Variants in TET3 observed in about 807,000 individuals in gnomAD.
The protein encoded by TET3 is tet methylcytosine dioxygenase 3, also known as methylcytosine dioxygenase TET3.
Under a neutral mutation model 141.4 loss-of-function variants are expected in TET3, and 19 were observed. The ratio of observed to expected loss-of-function variants is 0.13; its 90% confidence interval spans 0.09 to 0.20. The LOEUF is 0.20. Among genes scored for constraint, TET3 ranks in the 10% least tolerant of loss-of-function variants. TET3 has a pLI of 1.00. For missense variants in TET3, 1,874 were observed against 2,356.9 expected (o/e 0.80, Z 4.24); for synonymous variants, 1,043 against 980.9 (o/e 1.06, Z -1.18).
intron 4 of TET3, among the ~76,000 whole-genome samples, chr2:74,054,111 G>T (rs967846758): frequency 8.5e-5 from 13 of 152,174 alleles, no homozygotes; most frequent in Non-Finnish European, 1.9e-4. Flanking sequence ...AGAACATGGG[G>T]AAATACAGGT....
At chr2:74,068,340 C>T (rs945221840) in intron 4 of TET3, among the ~76,000 whole-genome samples, 1 of 134,390 alleles carries the variant, frequency 7.4e-6, no homozygotes, top group African/African-American at 3.0e-5. Context: ...TGTGTGTACA[C>T]GAACTAGCAT....
At chr2:74,042,490 G>A (rs1558738716) in intron 3 of TET3, among the ~76,000 whole-genome samples, 1 of 152,148 alleles carries the variant, frequency 6.6e-6, no homozygotes. Context: ...TTTGATTTTT[G>A]AATGTTGGCA....
Position 74,089,080 on chromosome 2 carries a change from CAAAAAAA to C in TET3, c.2889-799_2889-793del, listed in dbSNP as rs34315040. Among the ~76,000 whole-genome samples, 14 of 60,570 alleles carry C rather than the reference CAAAAAAA, an allele frequency of 2.3e-4. 1 individual carries two copies. Among genetic ancestry groups the C allele is most frequent in the Middle Eastern group, 7.7e-3 (1 of 130 alleles). The allele number at this position is 60,570 out of a possible 152,430, so 39.7% of individuals were successfully genotyped here. On this transcript the variant is annotated intron_variant, in intron 7 of 11. Transcript: ENST00000409262. ...TGAGCAACAGAACAGGATTCCGTCT[CAAAAAAA>C]AAAAAAAAAAAAAAAAAGACATAGA...
upstream of TET3, among the ~76,000 whole-genome samples, chr2:73,984,844 A>G (rs1177313191): frequency 1.4e-5 from 2 of 144,628 alleles, no homozygotes; most frequent in Non-Finnish European, 3.1e-5. This position sits in a 1 kb window ranked among gnomAD's most constrained non-coding sequence, Gnocchi z 5.6. Context: ...GCGGGGCCGC[A>G]CGTGTGCGCC....
chr2:74,022,831 C>T lies in TET3; in HGVS notation c.360+19665C>T, dbSNP rs1015800772. Among the ~76,000 whole-genome samples, 9 of 152,092 alleles carry T rather than the reference C, an allele frequency of 5.9e-5. No homozygotes were observed. The South Asian group carries it at 1.9e-3, about 31-fold the overall frequency. ...TTGCTCTGTCGCCTAGGCTGGAGTG[C>T]AGTGGCATGATCTTGGCTCACCGCA... On this transcript the variant is annotated intron_variant, in intron 3 of 11. Transcript: ENST00000409262.
chr2:74,117,564 T>C, the TET3 span, among the ~76,000 whole-genome samples: 3 of 152,020 alleles, frequency 2.0e-5, no homozygotes, highest in Non-Finnish European at 4.4e-5. Flanking sequence ...AAATGTCAAA[T>C]TTATAGAAAA....
At chr2:74,082,545 TGAAGA>T (rs908196765) in intron 6 of TET3, among the ~76,000 whole-genome samples, 11 of 151,076 alleles carry the variant, frequency 7.3e-5, no homozygotes, top group African/African-American at 2.7e-4. Flanking sequence ...GTCTTATGAG[TGAAGA>T]GAAAAGGAGA....
At chr2:74,133,526 C>T in the TET3 span, among the ~76,000 whole-genome samples, 12 of 152,322 alleles carry the variant, frequency 7.9e-5, no homozygotes, top group African/African-American at 2.9e-4. Flanking sequence ...GGCAGAAGGC[C>T]TCATTCTGTG....
intron 4 of TET3, among the ~76,000 whole-genome samples, chr2:74,051,702 C>T (rs1687952056): frequency 6.6e-6 from 1 of 152,190 alleles, no homozygotes; most frequent in South Asian, 2.1e-4. Flanking sequence ...ACTTAATCCT[C>T]ATAGCAGCTC....
At chr2:74,064,223 C>G (rs1259468544) in intron 4 of TET3, among the ~76,000 whole-genome samples, 1 of 151,408 alleles carries the variant, frequency 6.6e-6, no homozygotes, top group Non-Finnish European at 1.5e-5. Flanking sequence ...CCCGTATACA[C>G]GCATGAATTT....
intron 5 of TET3, among the ~76,000 whole-genome samples, chr2:74,075,876 T>TGCCTGCATGTGCTC (rs1313126314): frequency 6.6e-6 from 1 of 152,152 alleles, no homozygotes; most frequent in African/African-American, 2.4e-5. Flanking sequence ...TTGTCGTGCT[T>TGCCTGCATGTGCTC]GCCTGCATGT....
intron 3 of TET3, among the ~76,000 whole-genome samples, chr2:74,029,674 C>T (rs1347386610): frequency 6.6e-6 from 1 of 152,158 alleles, no homozygotes; most frequent in Non-Finnish European, 1.5e-5. Context: ...TTTTTATTCT[C>T]CACAGTGAAA....
At chr2:74,061,714 G>C (rs1251441160) in intron 4 of TET3, among the ~76,000 whole-genome samples, 41 of 139,478 alleles carry the variant, frequency 2.9e-4, no homozygotes, top group African/African-American at 1.2e-3. Flanking sequence ...GGCAGCTGCC[G>C]GGCGGAGGGG....
At chr2:74,133,755 GT>G in the TET3 span, among the ~76,000 whole-genome samples, 3 of 152,028 alleles carry the variant, frequency 2.0e-5, no homozygotes, top group African/African-American at 7.3e-5. Context: ...TTTTTTGTTT[GT>G]TTTTTTGAGA....
intron 3 of TET3, among the ~76,000 whole-genome samples, chr2:74,019,669 T>C (rs1685926500): frequency 6.6e-6 from 1 of 152,176 alleles, no homozygotes; most frequent in Non-Finnish European, 1.5e-5. Context: ...CTCTTCAAAG[T>C]GTGACAGCCT....
rs996026074 is a variant in TET3, at chr2:74,093,724, C to T, written c.3267+58C>T. The T allele has an allele frequency of 2.3e-5, 34 of 1,474,740 alleles. 1 individual carries two copies. Among genetic ancestry groups the T allele is most frequent in the Middle Eastern group, 3.6e-4 (2 of 5,526 alleles). The allele number at this position is 1,474,740 out of a possible 1,614,324, so 91.4% of individuals were successfully genotyped here. Reference sequence around the variant, plus strand: ...GGGGCAACTGTGGGAGGGAGTCCACCGTGGTCTTTTCAGAAAGGCAGGCTG... The same window carrying T: ...GGGGCAACTGTGGGAGGGAGTCCACTGTGGTCTTTTCAGAAAGGCAGGCTG... On this transcript the variant is annotated intron_variant, in intron 10 of 11. Transcript: ENST00000409262. The surrounding 1 kb of genome is among the most constrained non-coding windows in gnomAD (Gnocchi z 4.2).
intron 6 of TET3, among the ~76,000 whole-genome samples, chr2:74,086,827 T>G (rs1057432922): frequency 1.4e-5 from 2 of 139,700 alleles, no homozygotes; most frequent in Admixed American, 7.1e-5. Context: ...TGTGTAGAAA[T>G]AAAATCTAAC....
chr2:73,985,749 C>T (rs1017577709), intron 1 of TET3, among the ~76,000 whole-genome samples: 1 of 152,066 alleles, frequency 6.6e-6, no homozygotes, highest in African/African-American at 2.4e-5. Flanking sequence ...AGAAATCTCA[C>T]CTTGATCACC....
intron 3 of TET3, among the ~76,000 whole-genome samples, chr2:74,030,598 A>G (rs1304977931): frequency 6.6e-6 from 1 of 152,202 alleles, no homozygotes; most frequent in Non-Finnish European, 1.5e-5. Flanking sequence ...TTGCTTATCT[A>G]CAGATTTATT....
Sources: allele counts gnomAD v4.1 joint callset (sites outside exome capture counted in the v4.1 genomes callset), GRCh38; gene constraint gnomAD v4.1.1; non-coding constraint Gnocchi (gnomAD v3.1); transcripts MANE v1.5; gene names NCBI Gene and HGNC (gene_info 2026-07-23, HGNC 2026-07-21).